Variants in TBC1D1 observed in about 807,000 individuals in gnomAD.
TBC1D1 encodes TBC1 (tre-2/USP6, BUB2, cdc16) domain family, member 1.
In TBC1D1, 89 loss-of-function variants were observed where a neutral mutation model predicts 125.6. The ratio of observed to expected loss-of-function variants is 0.71; its 90% CI spans 0.60 to 0.85. The LOEUF (loss-of-function observed/expected upper bound fraction) is 0.85. TBC1D1 is among the 40% of genes least tolerant of loss of function. The pLI, the probability that TBC1D1 is intolerant of heterozygous loss-of-function variation, is 0.00. For missense variants in TBC1D1, 1,377 were observed against 1,469.2 expected, an observed-to-expected ratio of 0.94 and a Z score of 1.03; for synonymous variants, 565 against 564.1, an observed-to-expected ratio of 1.00 and a Z score of -0.02.
At chr4:37,982,498 A>G (rs569115201) in intron 2 of TBC1D1, among the ~76,000 whole-genome samples, 1 of 152,210 alleles carries the variant, frequency 6.6e-6, no homozygotes, top group Non-Finnish European at 1.5e-5. Context: ...CAAAGCTGGT[A>G]TAACCCTGAC....
intron 2 of TBC1D1, among the ~76,000 whole-genome samples, chr4:37,941,808 T>A (rs978180195): frequency 2.0e-5 from 3 of 152,220 alleles, no homozygotes; most frequent in African/African-American, 7.2e-5. Flanking sequence ...GAGCAAGTTG[T>A]TCAGTTTCCA....
chr4:38,102,177 G>A (rs1760467038), intron 14 of TBC1D1, among the ~76,000 whole-genome samples: 1 of 151,648 alleles, frequency 6.6e-6, no homozygotes, highest in South Asian at 2.1e-4. Flanking sequence ...ACACCAACAT[G>A]GCACACTTAT....
intron 19 of TBC1D1, among the ~76,000 whole-genome samples, chr4:38,135,358 C>G (rs1278862950): frequency 6.6e-6 from 1 of 152,150 alleles, no homozygotes; most frequent in Non-Finnish European, 1.5e-5. Context: ...CCAGATGGAA[C>G]CAAATAATAA....
chr4:38,037,407 G>A (rs772605491), intron 8 of TBC1D1, among the ~76,000 whole-genome samples: 2 of 151,646 alleles, frequency 1.3e-5, no homozygotes, highest in South Asian at 2.1e-4. Flanking sequence ...TCATGTCTTC[G>A]TCTATAAAGA....
intron 3 of TBC1D1, among the ~76,000 whole-genome samples, chr4:38,015,728 A>G (rs1047034494): frequency 6.6e-6 from 1 of 152,174 alleles, no homozygotes; most frequent in Non-Finnish European, 1.5e-5. Flanking sequence ...GACGTTCTGT[A>G]GAGAACAAAA....
intron 1 of TBC1D1, among the ~76,000 whole-genome samples, chr4:37,898,647 A>G (rs1715150503): frequency 6.6e-6 from 1 of 152,208 alleles, no homozygotes; most frequent in African/African-American, 2.4e-5. Flanking sequence ...ATTGGGGGTC[A>G]GGGAACCAAG....
At chr4:38,009,476 G>T (rs1338428917) in intron 2 of TBC1D1, among the ~76,000 whole-genome samples, 2 of 152,156 alleles carry the variant, frequency 1.3e-5, no homozygotes, top group African/African-American at 4.8e-5. Context: ...TATTGTTTCA[G>T]GAGCTCTTTC....
chr4:37,987,940 A>T (rs1410398313), intron 2 of TBC1D1, among the ~76,000 whole-genome samples: 1 of 152,182 alleles, frequency 6.6e-6, no homozygotes, highest in Non-Finnish European at 1.5e-5. Flanking sequence ...CATACTGTGG[A>T]TGTTTTATCG....
At position 38,137,141 on chromosome 4, in the gene TBC1D1, A is replaced by G. The variant is rs1406878902; in HGVS notation, c.3313A>G (p.Asn1105Asp). The G allele has an allele frequency of 1.1e-5, 18 of 1,613,390 alleles. No homozygotes were observed. The highest frequency in any genetic ancestry group is 1.5e-5 in the Non-Finnish European group (18 of 1,180,024). The change falls in exon 20 of 20, where the codon AAT becomes GAT. Residue 1105 changes from asparagine to aspartate, a missense_variant. Physicochemically the swap from Asn to Asp is conservative, Grantham distance 23. Transcript: ENST00000261439. ...TTCTTCTTTTATTCTCCAGGTGGCA[A>G]ATGGTAGGATCCAAAGCCTTGAGGC...
At chr4:38,005,543 G>A (rs1578233674) in intron 2 of TBC1D1, among the ~76,000 whole-genome samples, 1 of 152,348 alleles carries the variant, frequency 6.6e-6, no homozygotes, top group South Asian at 2.1e-4. Context: ...TGAGACAGCA[G>A]TGCAGCCTCC....
intron 1 of TBC1D1, among the ~76,000 whole-genome samples, chr4:37,899,610 C>T (rs192701103): frequency 1.2e-4 from 18 of 151,856 alleles, no homozygotes; most frequent in Non-Finnish European, 4.4e-5. Context: ...AATGAGACAA[C>T]ATAGGCAAAG....
At chr4:38,029,403 G>T (rs937078605) in intron 7 of TBC1D1, among the ~76,000 whole-genome samples, 2 of 152,138 alleles carry the variant, frequency 1.3e-5, no homozygotes, top group Admixed American at 6.5e-5. Context: ...GTCTCGCTCT[G>T]TTGCCCAGAG....
intron 11 of TBC1D1, among the ~76,000 whole-genome samples, chr4:38,051,287 T>G (rs188684517): frequency 1.3e-5 from 2 of 152,338 alleles, no homozygotes; most frequent in Admixed American, 1.3e-4. Context: ...GCATGGCCCA[T>G]TCTGCTTTCT....
At chr4:37,907,759 C>T (rs750310541) in intron 2 of TBC1D1, among the ~76,000 whole-genome samples, 2 of 152,134 alleles carry the variant, frequency 1.3e-5, no homozygotes, top group African/African-American at 4.8e-5. Context: ...AAGAGTCTGC[C>T]CAGACTCAGA....
At chr4:37,985,286 T>C (rs1221329339) in intron 2 of TBC1D1, among the ~76,000 whole-genome samples, 4 of 152,220 alleles carry the variant, frequency 2.6e-5, no homozygotes, top group Non-Finnish European at 5.9e-5. Flanking sequence ...TAATCTTAAG[T>C]ATCTGGTTTT....
intron 7 of TBC1D1, chr4:38,030,360 C>G (rs564202749): frequency 6.6e-6 from 1 of 152,328 alleles, no homozygotes; most frequent in South Asian, 2.1e-4. Flanking sequence ...GTGTGTTGTT[C>G]TAGAGGTCTC....
chr4:37,982,579 G>A (rs1239086300), intron 2 of TBC1D1, among the ~76,000 whole-genome samples: 2 of 152,136 alleles, frequency 1.3e-5, no homozygotes, highest in East Asian at 3.8e-4. Flanking sequence ...TTGGGCTTTG[G>A]GAACTCTAGT....
intron 2 of TBC1D1, among the ~76,000 whole-genome samples, chr4:37,990,990 C>T (rs888942157): frequency 6.7e-6 from 1 of 149,154 alleles, no homozygotes; most frequent in Non-Finnish European, 1.5e-5. Context: ...TTTCTTTTGC[C>T]TCTACTCTGT....
intron 2 of TBC1D1, among the ~76,000 whole-genome samples, chr4:37,976,569 G>A (rs1733119215): frequency 6.6e-6 from 1 of 152,210 alleles, no homozygotes; most frequent in African/African-American, 2.4e-5. Context: ...TCTTGGGCTG[G>A]GTTGGCCATT....
Sources: gnomAD v4.1 joint callset for allele counts (sites outside exome capture counted in the v4.1 genomes callset) on GRCh38, gnomAD v4.1.1 for gene constraint, MANE v1.5 for transcripts, NCBI Gene and HGNC (gene_info 2026-07-23, HGNC 2026-07-21) for gene names.